MGAT4C: variants seen among roughly 807,000 people sequenced by gnomAD.
MGAT4C encodes the protein MGAT4 family member C.
Under a neutral mutation model 40.1 loss-of-function variants are expected in MGAT4C, and 19 were observed. That is an observed-to-expected ratio of 0.47 (90% CI 0.33 to 0.70). MGAT4C has a LOEUF of 0.70. Among genes scored for constraint, MGAT4C ranks in the 30% least tolerant of loss-of-function variants. The probability of loss-of-function intolerance (pLI) is 0.02; values close to 1 mark genes in which losing one functional copy is unlikely to be tolerated. For synonymous variants in MGAT4C, 181 were observed against 187.1 expected, an observed-to-expected ratio of 0.97 and a Z score of 0.27; for missense variants, 491 against 563.2, an observed-to-expected ratio of 0.87 and a Z score of 1.30.
chr12:86,615,537 G>C (rs962163416), intron 2 of MGAT4C, among the ~76,000 whole-genome samples: 10 of 151,804 alleles, frequency 6.6e-5, no homozygotes, highest in African/African-American at 2.4e-4. Flanking sequence ...ATTTTGTTAA[G>C]AAAAAAACAG....
At chr12:86,250,216 T>A (rs139088577) in intron 1 of MGAT4C, among the ~76,000 whole-genome samples, 4 of 152,212 alleles carry the variant, frequency 2.6e-5, no homozygotes, top group African/African-American at 9.6e-5. Flanking sequence ...ATAACCTAAT[T>A]TAAACATTAC....
chr12:86,509,758 C>T (rs1198234556), intron 2 of MGAT4C, among the ~76,000 whole-genome samples: 1 of 152,056 alleles, frequency 6.6e-6, no homozygotes, highest in Non-Finnish European at 1.5e-5. Flanking sequence ...TTGTAGTTCT[C>T]CTTGAAGAGG....
intron 2 of MGAT4C, among the ~76,000 whole-genome samples, chr12:86,511,641 A>G (rs1489244250): frequency 6.6e-6 from 1 of 152,152 alleles, no homozygotes; most frequent in African/African-American, 2.4e-5. Flanking sequence ...CTAAGAATAT[A>G]CAATGGGGAA....
Position 86,474,515 on chromosome 12 carries a change from T to TAAA in MGAT4C, c.-228-39251_-228-39250insTTT, listed in dbSNP as rs1565786250. The stretch of plus-strand genomic sequence containing the variant: ...TGCACATGTATCCTAAAACTTAGAG[T>TAAA]ATAATAATAATAATAAAAGAAAGGA... On this transcript the variant is annotated intron_variant, in intron 2 of 7. Transcript: ENST00000548651. 5.3e-5 allele frequency among the ~76,000 whole-genome samples: 8 copies of TAAA among 151,266 alleles called. No homozygotes were observed. In the East Asian group the frequency reaches 1.4e-3, roughly 26 times the overall value.
intron 1 of MGAT4C, among the ~76,000 whole-genome samples, chr12:86,060,900 G>A (rs1893893212): frequency 6.6e-6 from 1 of 152,134 alleles, no homozygotes; most frequent in Non-Finnish European, 1.5e-5. Flanking sequence ...ACTAATAGGG[G>A]AAATTTCATA....
intron 2 of MGAT4C, among the ~76,000 whole-genome samples, chr12:86,547,594 A>T (rs1211138725): frequency 6.6e-6 from 1 of 152,092 alleles, no homozygotes; most frequent in Non-Finnish European, 1.5e-5. Context: ...TATCTGTTAG[A>T]TGTTATTTGC....
chr12:86,190,608 A>G (rs137946287), intron 1 of MGAT4C, among the ~76,000 whole-genome samples: 61 of 152,174 alleles, frequency 4.0e-4, no homozygotes, highest in African/African-American at 1.3e-3. Context: ...TTGCAATAGC[A>G]CATGTGACAC....
Position 85,963,793 on chromosome 12 carries a change from A to G in MGAT4C, c.*15496T>C, listed in dbSNP as rs1883230460. The G allele has an allele frequency of 6.6e-6, 1 of 151,986 alleles. No individual in the cohort carries two copies. The highest frequency in any genetic ancestry group is 2.1e-4 in the South Asian group (1 of 4,820). The allele number at this position is 151,986 out of a possible 1,614,324, so 9.4% of individuals were successfully genotyped here. A position where few individuals can be genotyped will look rare whatever the true frequency, so the allele number is the denominator to read the frequency against. ...ATGGGAGAGAGAAAACAAAATAATT[A>G]TTTATGTTAAATCATACATAAACAG... is the stretch of plus-strand genomic sequence containing the variant. On this transcript the variant is annotated 3_prime_UTR_variant, in exon 5 of 5. Transcript: ENST00000611864.
chr12:86,637,371 T>C (rs758898090), intron 2 of MGAT4C, among the ~76,000 whole-genome samples: 1 of 152,134 alleles, frequency 6.6e-6, no homozygotes, highest in Non-Finnish European at 1.5e-5. Context: ...GATTTCAGAC[T>C]ACACAATTCT....
At chr12:86,333,825 A>T (rs1954726497) in intron 4 of MGAT4C, among the ~76,000 whole-genome samples, 1 of 152,186 alleles carries the variant, frequency 6.6e-6, no homozygotes, top group Non-Finnish European at 1.5e-5. Context: ...TATGCCTTAA[A>T]CTGAATATCA....
intron 2 of MGAT4C, among the ~76,000 whole-genome samples, chr12:86,000,293 G>A (rs199768278): frequency 1.3e-5 from 2 of 152,116 alleles, no homozygotes; most frequent in East Asian, 3.9e-4. Flanking sequence ...AGAAACAAAT[G>A]CTGGTCCTTC....
intron 1 of MGAT4C, among the ~76,000 whole-genome samples, chr12:86,160,771 T>C (rs758941746): frequency 4.6e-5 from 7 of 152,090 alleles, no homozygotes; most frequent in Non-Finnish European, 8.8e-5. Flanking sequence ...TGGATGCATA[T>C]ATATTTAGGA....
At position 86,574,163 on chromosome 12, in the gene MGAT4C, G is replaced by T. The variant is rs149746785; in HGVS notation, c.-228-138898C>A. ...TTTTCTCAGCCATAATTATGGTATGGATATCTATGCATTAGGATATTGAGA... is the reference window on the plus strand; with the variant it reads ...TTTTCTCAGCCATAATTATGGTATGTATATCTATGCATTAGGATATTGAGA... On this transcript the variant is annotated intron_variant, in intron 2 of 7. Coordinates refer to the MGAT4C transcript ENST00000548651. 4.5e-3 allele frequency among the ~76,000 whole-genome samples: 688 copies of T among 151,534 alleles called. 7 individuals carry two copies. The highest frequency in any genetic ancestry group is 0.014 in the South Asian group (67 of 4,810).
At chr12:86,312,856 G>A (rs1012434799) in intron 4 of MGAT4C, among the ~76,000 whole-genome samples, 1 of 152,144 alleles carries the variant, frequency 6.6e-6, no homozygotes, top group Non-Finnish European at 1.5e-5. Flanking sequence ...GAAGAGATGA[G>A]TGGGCTGAGT....
rs1950764690 is a variant in MGAT4C, at chr12:86,723,182, A to AT, written c.-229+4026dup. 3.9e-5 allele frequency among the ~76,000 whole-genome samples: 6 copies of AT among 152,320 alleles called. No individual in the cohort carries two copies. The South Asian group carries it at 1.2e-3, about 32-fold the overall frequency. On this transcript the variant is annotated intron_variant, in intron 2 of 7. Transcript: ENST00000548651. ...TCAAACAACTAATGTTGCTAGTTTC[A>AT]TCGTTGTTCCTCAGAAATTTATAAA...
At chr12:86,585,231 G>A (rs1194974277) in intron 2 of MGAT4C, among the ~76,000 whole-genome samples, 1 of 151,210 alleles carries the variant, frequency 6.6e-6, no homozygotes, top group Non-Finnish European at 1.5e-5. Flanking sequence ...GCTGCTTTTA[G>A]TATTTCAAAA....
intron 1 of MGAT4C, among the ~76,000 whole-genome samples, chr12:86,231,572 A>T (rs2136016216): frequency 6.6e-6 from 1 of 152,326 alleles, no homozygotes; most frequent in African/African-American, 2.4e-5. Context: ...TATATTACTA[A>T]GTAGAACTGA....
At chr12:86,817,261 T>A (rs1167818350) in intron 1 of MGAT4C, among the ~76,000 whole-genome samples, 1 of 151,418 alleles carries the variant, frequency 6.6e-6, no homozygotes, top group Non-Finnish European at 1.5e-5. Context: ...TCACTTCACT[T>A]TTGATTGATA....
At chr12:86,731,820 G>T (rs182762072) in intron 1 of MGAT4C, among the ~76,000 whole-genome samples, 244 of 152,098 alleles carry the variant, frequency 1.6e-3, no homozygotes, top group African/African-American at 5.7e-3. Context: ...TAAGGTTTTC[G>T]CATCACACAA....
Sources: allele counts gnomAD v4.1 joint callset (sites outside exome capture counted in the v4.1 genomes callset), GRCh38; gene constraint gnomAD v4.1.1; transcripts MANE v1.5; gene names NCBI Gene and HGNC (gene_info 2026-07-23, HGNC 2026-07-21).